Variants in FNTB observed in about 807,000 individuals in gnomAD.
FNTB encodes the protein protein farnesyltransferase subunit beta.
A neutral mutation model predicts 59.4 loss-of-function variants in FNTB; 27 were observed. That is an observed-to-expected ratio of 0.45 (90% CI 0.34 to 0.63). The LOEUF is 0.63. Ranked by LOEUF, FNTB falls within the 20% of genes least tolerant of loss-of-function variation. FNTB has a pLI of 0.02. For synonymous variants in FNTB, 230 were observed against 220.7 expected, an observed-to-expected ratio of 1.04 and a Z score of -0.37; for missense variants, 449 against 559.6, an observed-to-expected ratio of 0.80 and a Z score of 1.99.
intron 1 of FNTB, among the ~76,000 whole-genome samples, chr14:64,988,520 C>T (rs577800468): frequency 2.3e-4 from 35 of 151,152 alleles, no homozygotes; most frequent in Middle Eastern, 3.4e-3. Flanking sequence ...CTGCACCCTC[C>T]GCCTCCCGGG....
At chr14:65,059,041 G>C (rs1247983368) in intron 11 of FNTB, among the ~76,000 whole-genome samples, 1 of 151,766 alleles carries the variant, frequency 6.6e-6, no homozygotes, top group African/African-American at 2.4e-5. Context: ...TTCTTTTTCA[G>C]AGACATGATC....
intron 11 of FNTB, among the ~76,000 whole-genome samples, chr14:65,058,120 T>C (rs1011866192): frequency 1.3e-5 from 2 of 152,158 alleles, no homozygotes; most frequent in African/African-American, 4.8e-5. Context: ...CTTTTTTTTT[T>C]TTCTTCCTGT....
intron 1 of FNTB, among the ~76,000 whole-genome samples, chr14:65,000,752 G>A (rs907598473): frequency 6.8e-6 from 1 of 147,596 alleles, no homozygotes; most frequent in African/African-American, 2.5e-5. Context: ...CCCAGGAGGT[G>A]GAGGTTGCAG....
rs562723220 is a variant in FNTB, at chr14:65,044,292, C to T, written c.823-19C>T. The stretch of plus-strand genomic sequence containing the variant: ...TCTCTTTTAGCCTACAACTGCCTTT[C>T]CCATCTGTGTCTCCTCAGCAATGGG... On this transcript the variant is annotated intron_variant, in intron 8 of 11. Coordinates refer to ENST00000246166, the MANE Select transcript of FNTB (RefSeq NM_002028.4). This position sits in a 1 kb window ranked among gnomAD's most constrained non-coding sequence, Gnocchi z 5.5. The T allele has an allele frequency of 5.0e-6, 8 of 1,611,940 alleles. No homozygotes were observed. In the African/African-American group the frequency reaches 5.3e-5, roughly 11 times the overall value.
chr14:65,061,157 TG>T, intron 11 of FNTB, 23 bp from the exon 12 acceptor site: 1 of 1,613,310 alleles, frequency 6.2e-7, no homozygotes, highest in Non-Finnish European at 8.5e-7. Flanking sequence ...GGTGATTAAC[TG>T]GCACCTTTTC....
At chr14:65,037,379 A>G (rs1210232732) in intron 7 of FNTB, among the ~76,000 whole-genome samples, 1 of 112,932 alleles carries the variant, frequency 8.9e-6, no homozygotes, top group African/African-American at 3.4e-5. Context: ...CTGAGATTAT[A>G]GGCGTGAGCC....
intron 9 of FNTB, among the ~76,000 whole-genome samples, chr14:65,051,873 C>T (rs1435719218): frequency 6.6e-6 from 1 of 150,742 alleles, no homozygotes; most frequent in Non-Finnish European, 1.5e-5. Flanking sequence ...CAGCTCACTG[C>T]AAACTCCGCC....
At chr14:65,020,824 C>T (rs528210067) in intron 4 of FNTB, among the ~76,000 whole-genome samples, 189 of 150,782 alleles carry the variant, frequency 1.3e-3, no homozygotes, top group African/African-American at 4.5e-3. Flanking sequence ...CTCCACCTCC[C>T]GGGTTCAAGT....
chr14:64,990,745 G>A lies in FNTB; in HGVS notation c.144+3648G>A, dbSNP rs1888167225. Among the ~76,000 whole-genome samples the A allele has an allele frequency of 6.6e-6, 1 of 152,194 alleles. No individual in the cohort carries two copies. The highest frequency in any genetic ancestry group is 2.4e-5 in the African/African-American group (1 of 41,456). ...ACTAGCATTTTAACAGGCTCATTTA[G>A]GTTACTGTCAAGAGTAGATGGTGGG... On this transcript the variant is annotated intron_variant, in intron 1 of 11. Transcript: ENST00000246166. This position sits in a 1 kb window ranked among gnomAD's most constrained non-coding sequence, Gnocchi z 5.2.
intron 4 of FNTB, among the ~76,000 whole-genome samples, chr14:65,021,169 C>A (rs972274978): frequency 5.3e-5 from 8 of 152,162 alleles, no homozygotes; most frequent in Non-Finnish European, 1.2e-4. Context: ...TAATGAGAAT[C>A]CCATTCTTTG....
intron 4 of FNTB, among the ~76,000 whole-genome samples, chr14:65,017,841 G>T (rs1200137547): frequency 6.6e-6 from 1 of 152,058 alleles, no homozygotes; most frequent in Non-Finnish European, 1.5e-5. Context: ...TGTCATCCCA[G>T]CTACTCGGGA....
intron 2 of FNTB, among the ~76,000 whole-genome samples, chr14:65,004,537 G>A (rs1305708440): frequency 6.6e-6 from 1 of 152,204 alleles, no homozygotes; most frequent in African/African-American, 2.4e-5. Context: ...GGTGTTACAT[G>A]GGGATTCCCC....
Position 65,030,318 on chromosome 14 carries a change from A to G in FNTB, c.606-2292A>G, listed in dbSNP as rs989179157. ...TGTGCTCCCAATGCCTGCTGGTGGA[A>G]CTAAACTTCCACTGTGCCTTTGGCT... On this transcript the variant is annotated intron_variant, in intron 6 of 11. Coordinates refer to ENST00000246166, the MANE Select transcript of FNTB (RefSeq NM_002028.4). The surrounding 1 kb of genome is among the most constrained non-coding windows in gnomAD (Gnocchi z 4.5). Among the ~76,000 whole-genome samples the G allele has an allele frequency of 9.2e-5, 14 of 152,234 alleles. No individual in the cohort carries two copies. The highest frequency in any genetic ancestry group is 3.1e-4 in the African/African-American group (13 of 41,464).
intron 11 of FNTB, among the ~76,000 whole-genome samples, chr14:65,055,879 T>C (rs1247979208): frequency 1.3e-5 from 2 of 152,184 alleles, no homozygotes; most frequent in Admixed American, 6.5e-5. Flanking sequence ...GGCCAATAGA[T>C]AGTTGAAAAG....
At chr14:64,987,524 C>T (rs1170482552) in intron 1 of FNTB, 2 of 183,914 alleles carry the variant, frequency 1.1e-5, no homozygotes, top group South Asian at 1.1e-4. Flanking sequence ...GCTGTCATGC[C>T]GTTTCACGAT....
intron 9 of FNTB, among the ~76,000 whole-genome samples, chr14:65,050,380 T>TA (rs2062579055): frequency 1.3e-5 from 2 of 152,138 alleles, no homozygotes; most frequent in African/African-American, 4.8e-5. Context: ...CAGATCATTT[T>TA]AGGAGTTCGA....
In FNTB at chr14:64,991,708, G is replaced by T. The variant is rs909934213; in HGVS notation, c.144+4611G>T. On this transcript the variant is annotated intron_variant, in intron 1 of 11. Transcript: ENST00000246166. This position sits in a 1 kb window ranked among gnomAD's most constrained non-coding sequence, Gnocchi z 4.4. ...GGGAGTTGAAAAGCCATCTGTGTGG[G>T]CTGAGGTGGTCAGGATGACTTCATG... Among the ~76,000 whole-genome samples the T allele has an allele frequency of 1.7e-4, 26 of 151,958 alleles. No individual in the cohort carries two copies. The highest frequency in any genetic ancestry group is 6.1e-4 in the African/African-American group (25 of 41,322).
rs563106662 is a variant in FNTB at position 65,054,405 on chromosome 14, C to T, written c.1068-170C>T. On this transcript the variant is annotated intron_variant, in intron 10 of 11. Coordinates refer to ENST00000246166, the MANE Select transcript of FNTB (RefSeq NM_002028.4). This position sits in a 1 kb window ranked among gnomAD's most constrained non-coding sequence, Gnocchi z 4.4. ...GATTATGGGTGTGAGCCACTGTGCT[C>T]AGCCAGTGGGGCTTTAAATAACACT... Among the ~76,000 whole-genome samples the T allele has an allele frequency of 3.0e-4, 46 of 151,770 alleles. No individual in the cohort carries two copies. Among genetic ancestry groups the T allele is most frequent in the Non-Finnish European group, 5.6e-4 (38 of 67,982 alleles).
In FNTB at chr14:65,027,456, G is replaced by T; in HGVS notation, c.378G>T (p.Val126=). 6.2e-7 allele frequency: 1 copy of T among 1,614,210 alleles called. No individual in the cohort carries two copies. Among genetic ancestry groups the T allele is most frequent in the Non-Finnish European group, 8.5e-7 (1 of 1,180,038 alleles). ...EPIPQIVATD[V]CQFLELCQSP... ...TGCCCTTTGGCTGTGTACCTAGTGTGTGTCAGTTCCTGGAGCTGTGTCAGA... is the reference window on the plus strand; with the variant it reads ...TGCCCTTTGGCTGTGTACCTAGTGTTTGTCAGTTCCTGGAGCTGTGTCAGA... Residue 126 remains valine, a synonymous_variant, in exon 5 of 12, where the codon GTG becomes GTT. Transcript: ENST00000246166. The surrounding 1 kb of genome is among the most constrained non-coding windows in gnomAD (Gnocchi z 5.7).
Sources: allele counts gnomAD v4.1 joint callset (sites outside exome capture counted in the v4.1 genomes callset), GRCh38; gene constraint gnomAD v4.1.1; non-coding constraint Gnocchi (gnomAD v3.1); transcripts MANE v1.5; gene names NCBI Gene and HGNC (gene_info 2026-07-23, HGNC 2026-07-21).